CALN1: variants seen among roughly 807,000 people sequenced by gnomAD.
The protein encoded by CALN1 is calneuron 1.
Under a neutral mutation model 30.6 loss-of-function variants are expected in CALN1, and 17 were observed. That is an observed-to-expected ratio of 0.56 (90% CI 0.38 to 0.83). The LOEUF (loss-of-function observed/expected upper bound fraction) is 0.83, where lower values mean the gene tolerates loss of function less well. CALN1 is among the 40% of genes least tolerant of loss of function. The pLI, the probability that CALN1 is intolerant of heterozygous loss-of-function variation, is 0.00. For synonymous variants in CALN1, 156 were observed against 131.4 expected, an observed-to-expected ratio of 1.19 and a Z score of -1.28; for missense variants, 291 against 354.9, an observed-to-expected ratio of 0.82 and a Z score of 1.45.
At chr7:72,290,079 T>TAAAAAAAAAAA (rs60416266) in intron 2 of CALN1, among the ~76,000 whole-genome samples, 1 of 32,122 alleles carries the variant, frequency 3.1e-5, no homozygotes, top group African/African-American at 1.3e-4. Flanking sequence ...GACCCTGTCT[T>TAAAAAAAAAAA]AAAAAAAAAA....
intron 5 of CALN1, among the ~76,000 whole-genome samples, chr7:71,892,834 A>G (rs909266481): frequency 7.2e-5 from 11 of 152,298 alleles, no homozygotes; most frequent in African/African-American, 2.4e-4. Context: ...TAATAGTTAA[A>G]TAATTAACAA....
At chr7:71,881,615 T>C (rs926999841) in intron 5 of CALN1, among the ~76,000 whole-genome samples, 5 of 152,106 alleles carry the variant, frequency 3.3e-5, no homozygotes, top group Non-Finnish European at 1.5e-5. Context: ...TTCCAAGGCA[T>C]TGATTCACGC....
intron 4 of CALN1, among the ~76,000 whole-genome samples, chr7:72,082,249 G>A (rs913728160): frequency 6.6e-6 from 1 of 152,210 alleles, no homozygotes; most frequent in Non-Finnish European, 1.5e-5. Context: ...CCCTCCCAAA[G>A]TGTTGGGATT....
At chr7:71,828,716 A>ATGTG (rs1369223481) in intron 5 of CALN1, among the ~76,000 whole-genome samples, 2 of 132,396 alleles carry the variant, frequency 1.5e-5, no homozygotes, top group African/African-American at 7.9e-5. Context: ...ATATATATGT[A>ATGTG]TATGTGTGTG....
intron 5 of CALN1, among the ~76,000 whole-genome samples, chr7:71,969,903 C>T (rs1416297412): frequency 2.6e-5 from 4 of 151,616 alleles, no homozygotes; most frequent in African/African-American, 9.7e-5. Context: ...TGGCTCACTG[C>T]AACCTCTGCC....
In CALN1 at chr7:71,810,477, T is replaced by C; in HGVS notation, c.517A>G (p.Ile173Val). 3.7e-6 allele frequency: 6 copies of C among 1,613,944 alleles called. No homozygotes were observed. The highest frequency in any genetic ancestry group is 5.1e-6 in the Non-Finnish European group (6 of 1,179,916). The change falls in exon 6 of 7, where the codon ATA (isoleucine) becomes GTA (valine). Residue 173 changes from isoleucine (I) to valine (V), a missense_variant. By Grantham distance (29) the Ile-to-Val change is conservative (BLOSUM62 3). Transcript: ENST00000395275. ...ATGTGCTTCAACTCTTCCAGAGTTA[T>C]CCTTTGCATGTCAAACTGTGGAGAT... ...SIFWQFDMQRITLEELKHILY... is the reference protein window; with the variant it reads ...SIFWQFDMQRVTLEELKHILY...
intron 2 of CALN1, among the ~76,000 whole-genome samples, chr7:72,356,731 C>T (rs762442521): frequency 2.0e-5 from 3 of 151,748 alleles, no homozygotes; most frequent in Admixed American, 6.6e-5. Context: ...AGTAAATAAT[C>T]AAAGAACTAG....
At chr7:72,102,669 A>G (rs1806760680) in intron 4 of CALN1, among the ~76,000 whole-genome samples, 2 of 152,212 alleles carry the variant, frequency 1.3e-5, no homozygotes, top group Admixed American at 6.5e-5. Context: ...GGCAAATTAT[A>G]TGATTCCATT....
intron 5 of CALN1, among the ~76,000 whole-genome samples, chr7:72,002,101 C>CT (rs1264388150): frequency 1.3e-5 from 2 of 152,124 alleles, no homozygotes; most frequent in Non-Finnish European, 2.9e-5. Context: ...AAATTGAATG[C>CT]TTTCTCTATA....
At chr7:71,850,466 C>T (rs1428748872) in intron 5 of CALN1, among the ~76,000 whole-genome samples, 2 of 152,330 alleles carry the variant, frequency 1.3e-5, no homozygotes, top group East Asian at 1.9e-4. Flanking sequence ...GATTCACCTG[C>T]CTTGGCTTCC....
intron 5 of CALN1, among the ~76,000 whole-genome samples, chr7:71,815,887 C>G (rs1456343720): frequency 1.4e-5 from 2 of 145,180 alleles, no homozygotes; most frequent in African/African-American, 5.1e-5. Flanking sequence ...TCCTTCCTCT[C>G]TCTTTTACTT....
At chr7:72,427,781 G>T (rs1051818311) in intron 1 of CALN1, among the ~76,000 whole-genome samples, 6 of 151,982 alleles carry the variant, frequency 3.9e-5, no homozygotes, top group African/African-American at 1.4e-4. Context: ...GTGCTGGGCT[G>T]CAGAGTGATC....
rs562937559 is a variant in CALN1, at chr7:72,438,144, G to A, written c.-226+8898C>T. Among the ~76,000 whole-genome samples, 17 of 150,768 alleles carry A rather than the reference G, an allele frequency of 1.1e-4. No individual in the cohort carries two copies. The East Asian group carries it at 1.2e-3, about 10-fold the overall frequency. On this transcript the variant is annotated intron_variant, in intron 1 of 6. Transcript: ENST00000395276. ...ATGCGCCACCACACCCAGCTAATTC[G>A]TTTTTCTTTTTATTTTTTGTAGAGA...
intron 2 of CALN1, among the ~76,000 whole-genome samples, chr7:72,312,740 A>T (rs1181621084): frequency 6.6e-6 from 1 of 152,224 alleles, no homozygotes; most frequent in Non-Finnish European, 1.5e-5. Flanking sequence ...ACAACTAGAA[A>T]AATAGTGACC....
At chr7:72,286,914 A>C (rs750194364) in intron 2 of CALN1, among the ~76,000 whole-genome samples, 15 of 152,378 alleles carry the variant, frequency 9.8e-5, no homozygotes, top group African/African-American at 3.6e-4. Flanking sequence ...AAATTCATAA[A>C]GAAATATCAG....
intron 5 of CALN1, among the ~76,000 whole-genome samples, chr7:72,017,787 A>C (rs950470441): frequency 6.6e-6 from 1 of 152,188 alleles, no homozygotes; most frequent in African/African-American, 2.4e-5. Context: ...ATTGTGAATA[A>C]GATTAAAAAT....
At chr7:72,222,030 A>T in intron 3 of CALN1, among the ~76,000 whole-genome samples, 1 of 152,162 alleles carries the variant, frequency 6.6e-6, no homozygotes, top group East Asian at 1.9e-4. Flanking sequence ...GTTTGAGACC[A>T]GCCTGGCCAA....
At chr7:71,943,300 G>C (rs1312557378) in intron 5 of CALN1, among the ~76,000 whole-genome samples, 1 of 152,202 alleles carries the variant, frequency 6.6e-6, no homozygotes, top group Non-Finnish European at 1.5e-5. Context: ...AGTAGATACA[G>C]TACTGCAGAG....
the CALN1 span, among the ~76,000 whole-genome samples, chr7:72,464,259 T>C: frequency 6.6e-6 from 1 of 152,090 alleles, no homozygotes; most frequent in Admixed American, 6.6e-5. Flanking sequence ...CAGTGAGCTA[T>C]GACAGTGCCA....
Sources: allele counts gnomAD v4.1 joint callset (sites outside exome capture counted in the v4.1 genomes callset), GRCh38; gene constraint gnomAD v4.1.1; transcripts MANE v1.5; gene names NCBI Gene and HGNC (gene_info 2026-07-23, HGNC 2026-07-21).